Variants in MYO5C observed in about 807,000 individuals in gnomAD.
The protein encoded by MYO5C is myosin VC, also known as unconventional myosin-Vc.
In MYO5C, 194 loss-of-function variants were observed where a neutral mutation model predicts 235.7. The ratio of observed to expected loss-of-function variants is 0.82; its 90% CI spans 0.73 to 0.93. MYO5C has a LOEUF of 0.93. Ranked by LOEUF, MYO5C falls within the 40% of genes least tolerant of loss-of-function variation. The probability of loss-of-function intolerance (pLI) is 0.00; values close to 1 mark genes in which losing one functional copy is unlikely to be tolerated. For missense variants in MYO5C, 2,038 were observed against 2,127.2 expected (o/e 0.96, Z 0.82); for synonymous variants, 707 against 754.8 (o/e 0.94, Z 1.04).
At chr15:52,216,564 AT>A (rs778202839) in intron 32 of MYO5C, among the ~76,000 whole-genome samples, 3 of 152,042 alleles carry the variant, frequency 2.0e-5, no homozygotes, top group Admixed American at 6.6e-5. Context: ...TTGATTTTGA[AT>A]TTCTTTGATA....
At chr15:52,261,162 C>T (rs777279717) in intron 9 of MYO5C, 35 bp from the exon 10 acceptor site, 1 of 1,606,190 alleles carries the variant, frequency 6.2e-7, no homozygotes, top group Admixed American at 1.7e-5. Flanking sequence ...TCAGGTGGCC[C>T]AGCCATCCAA....
Position 52,229,360 on chromosome 15 carries a change from G to C in MYO5C, c.3027-47C>G, listed in dbSNP as rs1461972668. The stretch of plus-strand genomic sequence containing the variant: ...TAATTTAGAGCTGAGCATGGTGGCT[G>C]AAACCTGTAATCCCAGCACTTTGGG... On this transcript the variant is annotated intron_variant, in intron 24 of 40. Coordinates refer to ENST00000261839, the MANE Select transcript of MYO5C (RefSeq NM_018728.4). 3 of 1,577,686 alleles carry C rather than the reference G, an allele frequency of 1.9e-6. No homozygotes were observed. In the East Asian group the frequency reaches 6.7e-5, roughly 35 times the overall value.
chr15:52,215,656 A>T (rs2035535575), intron 32 of MYO5C, among the ~76,000 whole-genome samples: 1 of 152,210 alleles, frequency 6.6e-6, no homozygotes. Flanking sequence ...ATCTTATAAT[A>T]TATCTAATAA....
At chr15:52,215,948 T>C (rs1295387671) in intron 32 of MYO5C, among the ~76,000 whole-genome samples, 1 of 152,148 alleles carries the variant, frequency 6.6e-6, no homozygotes, top group Non-Finnish European at 1.5e-5. Context: ...TTTGGGTTGC[T>C]TTTTTTCTCT....
chr15:52,197,845 AG>A (rs1377992158), intron 38 of MYO5C, among the ~76,000 whole-genome samples: 1 of 151,652 alleles, frequency 6.6e-6, no homozygotes, highest in African/African-American at 2.4e-5. Context: ...CATGTTGGCC[AG>A]GCTGGTCTTG....
intron 18 of MYO5C, 151 bp downstream of exon 18, chr15:52,245,203 T>C: frequency 1.5e-6 from 1 of 668,254 alleles, no homozygotes; most frequent in South Asian, 1.7e-5. Context: ...TGCTATGGTC[T>C]CTTCAGCAGA....
At chr15:52,264,388 C>G in intron 8 of MYO5C, 92 bp from the exon 9 acceptor site, 1 of 994,620 alleles carries the variant, frequency 1.0e-6, no homozygotes, top group African/African-American at 1.6e-5. Context: ...ATGCAGGTAG[C>G]ATCAGTGCCA....
intron 1 of MYO5C, among the ~76,000 whole-genome samples, chr15:52,286,329 C>T (rs1466983265): frequency 6.7e-6 from 1 of 150,340 alleles, no homozygotes; most frequent in Non-Finnish European, 1.5e-5. Context: ...GGGGGTCAGC[C>T]CCCCGCCCGG....
intron 1 of MYO5C, among the ~76,000 whole-genome samples, chr15:52,285,815 G>A (rs1381977552): frequency 2.0e-5 from 3 of 152,290 alleles, no homozygotes; most frequent in Admixed American, 6.5e-5. Flanking sequence ...ATCTCGGCTC[G>A]CTACAACCTC....
In MYO5C at chr15:52,205,071, A is replaced by G. The variant is rs781162899; in HGVS notation, c.4614T>C (p.Ser1538=). 6.2e-7 allele frequency: 1 copy of G among 1,614,216 alleles called. No individual in the cohort carries two copies. The highest frequency in any genetic ancestry group is 1.1e-5 in the South Asian group (1 of 91,088). Residue 1538 remains serine (S), a synonymous_variant, in exon 38 of 41, where the codon TCT becomes TCC. Transcript: ENST00000261839. ...TGTAGCCGTCCGTGTCGTCTATGCTAGAGGAGCGCTTCCGGAAGCCTGTGG... is the reference window on the plus strand; with the variant it reads ...TGTAGCCGTCCGTGTCGTCTATGCTGGAGGAGCGCTTCCGGAAGCCTGTGG... The part of the protein sequence containing the change: ...LKPTGFRKRS[S]SIDDTDGYTM...
intron 10 of MYO5C, among the ~76,000 whole-genome samples, chr15:52,257,306 G>C (rs1313661958): frequency 6.6e-6 from 1 of 152,242 alleles, no homozygotes; most frequent in Non-Finnish European, 1.5e-5. Context: ...GGACGAGACA[G>C]ACATGGCTGG....
intron 38 of MYO5C, among the ~76,000 whole-genome samples, chr15:52,200,981 T>A (rs973075255): frequency 2.0e-5 from 3 of 152,140 alleles, no homozygotes; most frequent in Non-Finnish European, 4.4e-5. Context: ...ACAGAGATTA[T>A]CCAATCTGAA....
chr15:52,212,843 C>T (rs539606545), intron 34 of MYO5C, among the ~76,000 whole-genome samples: 1 of 152,356 alleles, frequency 6.6e-6, no homozygotes, highest in South Asian at 2.1e-4. Flanking sequence ...CTCTTCTACC[C>T]TGGTCCTACA....
rs180723574 is a variant in MYO5C, at chr15:52,280,083, T to C, written c.139-409A>G. The stretch of plus-strand genomic sequence containing the variant: ...GTTTAAATGTTGAGGCCATGCAAGT[T>C]TTCATTTGAAAACAAGATGCTGCAG... On this transcript the variant is annotated intron_variant, in intron 2 of 40. Transcript: ENST00000261839. 5.8e-3 allele frequency among the ~76,000 whole-genome samples: 877 copies of C among 152,300 alleles called. 2 individuals are homozygous for C. Among genetic ancestry groups the C allele is most frequent in the Non-Finnish European group, 8.7e-3 (592 of 68,034 alleles).
intron 39 of MYO5C, 64 bp downstream of exon 39, chr15:52,196,245 G>C: frequency 6.8e-7 from 1 of 1,468,696 alleles, no homozygotes; most frequent in Middle Eastern, 2.5e-4. Flanking sequence ...AACCAAGAAA[G>C]GCAATGCCCA....
intron 29 of MYO5C, among the ~76,000 whole-genome samples, chr15:52,221,896 A>G (rs939151218): frequency 1.1e-4 from 16 of 152,180 alleles, no homozygotes; most frequent in African/African-American, 3.9e-4. Flanking sequence ...GGCTCAACTT[A>G]CTATTTTTCG....
At chr15:52,294,952 T>G (rs1365314463) in intron 1 of MYO5C, among the ~76,000 whole-genome samples, 1 of 152,240 alleles carries the variant, frequency 6.6e-6, no homozygotes, top group Non-Finnish European at 1.5e-5. Flanking sequence ...CGACTGCACC[T>G]CGTGGCCCCT....
At chr15:52,247,864 C>T (rs967396494) in intron 14 of MYO5C, among the ~76,000 whole-genome samples, 2 of 152,150 alleles carry the variant, frequency 1.3e-5, no homozygotes, top group Non-Finnish European at 2.9e-5. Context: ...GAAACATCTA[C>T]TATTCTCACC....
chr15:52,200,463 G>C (rs568526463), intron 38 of MYO5C, among the ~76,000 whole-genome samples: 31 of 152,220 alleles, frequency 2.0e-4, no homozygotes, highest in Non-Finnish European at 3.2e-4. Context: ...AGCTACTTGG[G>C]AGGCTGAGGC....
Sources: gnomAD v4.1 joint callset for allele counts (sites outside exome capture counted in the v4.1 genomes callset) on GRCh38, gnomAD v4.1.1 for gene constraint, MANE v1.5 for transcripts, NCBI Gene and HGNC (gene_info 2026-07-23, HGNC 2026-07-21) for gene names.